Variants in NECAB1 observed in about 807,000 individuals in gnomAD.
NECAB1 encodes N-terminal EF-hand calcium-binding protein 1.
NECAB1 carries 29 observed loss-of-function variants against 57.5 expected under a neutral mutation model. That is an observed-to-expected ratio of 0.50 (90% CI 0.38 to 0.69). The LOEUF (loss-of-function observed/expected upper bound fraction) is 0.69, where lower values mean the gene tolerates loss of function less well. NECAB1 is among the 30% of genes least tolerant of loss of function. The pLI, the probability that NECAB1 is intolerant of heterozygous loss-of-function variation, is 0.00. For missense variants in NECAB1, 372 were observed against 413.8 expected (o/e 0.90, Z 0.88); for synonymous variants, 142 against 147.7 (o/e 0.96, Z 0.28).
intron 2 of NECAB1, among the ~76,000 whole-genome samples, chr8:90,814,743 C>T (rs1243819277): frequency 6.6e-6 from 1 of 151,990 alleles, no homozygotes; most frequent in East Asian, 1.9e-4. Context: ...ACAGATGCTT[C>T]AGGCTCATCT....
chr8:90,883,948 C>T (rs559414590), intron 5 of NECAB1, among the ~76,000 whole-genome samples: 10 of 152,250 alleles, frequency 6.6e-5, no homozygotes, highest in East Asian at 3.9e-4. Context: ...TCTGATGCTA[C>T]GGCTGAATTC....
At chr8:90,883,739 G>A (rs965478442) in intron 5 of NECAB1, among the ~76,000 whole-genome samples, 2 of 151,954 alleles carry the variant, frequency 1.3e-5, no homozygotes, top group Admixed American at 6.6e-5. Flanking sequence ...AACACCATAG[G>A]TCAAATTCCA....
chr8:90,934,394 A>G (rs1313407798), intron 9 of NECAB1, 37 bp downstream of exon 9: 1 of 1,277,438 alleles, frequency 7.8e-7, no homozygotes. Context: ...TTAGAAATAT[A>G]TTCTTTAAAA....
Position 90,791,921 on chromosome 8 carries a change from A to C in NECAB1, c.35A>C (p.Asn12Thr), listed in dbSNP as rs906705704. 3 of 1,552,380 alleles carry C rather than the reference A, an allele frequency of 1.9e-6. No individual in the cohort carries two copies. The highest frequency in any genetic ancestry group is 2.6e-6 in the Non-Finnish European group (3 of 1,147,534). ...EDSQETSPSS[N>T]NSSEELSSAL... is the part of the protein sequence containing the mutation. ...TCCCAGGAGACATCGCCGTCCTCCA[A>C]CAACTCCTCGGAGGAGCTCAGCTCT... The change falls in exon 1 of 13, where the codon AAC becomes ACC. Residue 12 changes from asparagine to threonine, a missense_variant. Coordinates refer to ENST00000417640, the MANE Select transcript of NECAB1 (RefSeq NM_022351.5).
chr8:90,831,526 C>G (rs1812298835), intron 3 of NECAB1, among the ~76,000 whole-genome samples: 1 of 152,120 alleles, frequency 6.6e-6, no homozygotes, highest in Admixed American at 6.6e-5. Context: ...TCAGGAAAAT[C>G]TGCAGCTATC....
At chr8:90,845,640 A>G (rs975724647) in intron 3 of NECAB1, among the ~76,000 whole-genome samples, 1 of 152,230 alleles carries the variant, frequency 6.6e-6, no homozygotes, top group Non-Finnish European at 1.5e-5. Flanking sequence ...CTCAAGGTAC[A>G]ACACAGTATT....
intron 9 of NECAB1, among the ~76,000 whole-genome samples, chr8:90,939,708 C>T (rs953950076): frequency 7.2e-5 from 11 of 152,164 alleles, no homozygotes; most frequent in Admixed American, 7.2e-4. Context: ...GTTATTAATA[C>T]TAAACCCATG....
At chr8:90,873,474 A>G (rs1270273735) in intron 4 of NECAB1, among the ~76,000 whole-genome samples, 1 of 152,192 alleles carries the variant, frequency 6.6e-6, no homozygotes, top group African/African-American at 2.4e-5. Context: ...ACTCTCATCT[A>G]TGTGCACACA....
Position 90,957,191 on chromosome 8 carries a change from G to T in NECAB1, c.*1679G>T, listed in dbSNP as rs1212868806. On this transcript the variant is annotated 3_prime_UTR_variant, in exon 13 of 13. Transcript: ENST00000417640. The stretch of plus-strand genomic sequence containing the variant: ...TGTATATAGTAAGAAAAGATCAAAA[G>T]ACTTTAAAACCTAAATGACTTTTGA... 2 of 151,934 alleles carry T rather than the reference G, an allele frequency of 1.3e-5. No homozygotes were observed. Among genetic ancestry groups the T allele is most frequent in the Non-Finnish European group, 2.9e-5 (2 of 67,924 alleles). 9.4% of individuals were successfully genotyped at this position (151,934 alleles called of 1,614,324 possible).
chr8:90,953,932 G>A (rs1810966215), intron 12 of NECAB1, among the ~76,000 whole-genome samples: 1 of 152,006 alleles, frequency 6.6e-6, no homozygotes, highest in Non-Finnish European at 1.5e-5. Context: ...AGCCAGGCAT[G>A]GTGGTGCATA....
Position 90,925,631 on chromosome 8 carries a change from C to T in NECAB1, c.591C>T (p.Ser197=). The T allele has an allele frequency of 6.2e-7, 1 of 1,613,764 alleles. No homozygotes were observed. The highest frequency in any genetic ancestry group is 8.5e-7 in the Non-Finnish European group (1 of 1,179,810). The change falls in exon 7 of 13, where the codon AGC becomes AGT. Residue 197 remains serine (S), a synonymous_variant. Transcript: ENST00000417640. Reference sequence around the variant, plus strand: ...GACACAACAGCTTCTCCCCAAACAGCCCTCAGTTTAATGTCAGCGGTCCAG... The same window carrying T: ...GACACAACAGCTTCTCCCCAAACAGTCCTCAGTTTAATGTCAGCGGTCCAG... ...VQRHNSFSPN[S]PQFNVSGPGL...
At chr8:90,864,801 A>T (rs1808478832) in intron 3 of NECAB1, among the ~76,000 whole-genome samples, 1 of 152,110 alleles carries the variant, frequency 6.6e-6, no homozygotes. Flanking sequence ...CGCATGGCTT[A>T]TGTCATCTTA....
chr8:90,832,848 C>T (rs1396200428), intron 3 of NECAB1, among the ~76,000 whole-genome samples: 1 of 152,090 alleles, frequency 6.6e-6, no homozygotes, highest in Non-Finnish European at 1.5e-5. Context: ...CTTTCCATTG[C>T]CATATCATCT....
At chr8:90,902,110 G>A (rs995772443) in intron 5 of NECAB1, among the ~76,000 whole-genome samples, 4 of 152,022 alleles carry the variant, frequency 2.6e-5, no homozygotes, top group South Asian at 4.1e-4. Context: ...AAACTTCTCA[G>A]ATTGTTCTGT....
chr8:90,866,944 C>G (rs1290290668), intron 3 of NECAB1, among the ~76,000 whole-genome samples: 1 of 152,096 alleles, frequency 6.6e-6, no homozygotes, highest in Non-Finnish European at 1.5e-5. Flanking sequence ...TATAAAGATA[C>G]GTGCACATGT....
chr8:90,884,243 C>G (rs983815034), intron 5 of NECAB1, among the ~76,000 whole-genome samples: 3 of 152,188 alleles, frequency 2.0e-5, no homozygotes, highest in Non-Finnish European at 4.4e-5. Context: ...CTCTGCCTCT[C>G]TCTTACTCTC....
At chr8:90,866,845 G>T (rs773488873) in intron 3 of NECAB1, among the ~76,000 whole-genome samples, 1 of 152,134 alleles carries the variant, frequency 6.6e-6, no homozygotes, top group African/African-American at 2.4e-5. Context: ...GACAGTGTGC[G>T]ATTCCTCAAG....
chr8:90,895,374 T>C (rs1809299270), intron 5 of NECAB1, among the ~76,000 whole-genome samples: 2 of 152,052 alleles, frequency 1.3e-5, no homozygotes, highest in Admixed American at 1.3e-4. Flanking sequence ...GAAAAAGTAG[T>C]CTCAACACTG....
chr8:90,952,448 G>A (rs901597705), intron 12 of NECAB1, among the ~76,000 whole-genome samples: 4 of 152,078 alleles, frequency 2.6e-5, no homozygotes, highest in African/African-American at 7.2e-5. Context: ...CAGTGCTCCT[G>A]GGGATGAGTG....
Sources: allele counts gnomAD v4.1 joint callset (sites outside exome capture counted in the v4.1 genomes callset), GRCh38; gene constraint gnomAD v4.1.1; transcripts MANE v1.5; gene names NCBI Gene and HGNC (gene_info 2026-07-23, HGNC 2026-07-21).